Variants in NCOA1 observed in about 807,000 individuals in gnomAD.
NCOA1 encodes nuclear receptor coactivator 1, also known as Hin-2 protein.
Under a neutral mutation model 150.9 loss-of-function variants are expected in NCOA1, and 35 were observed. The ratio of observed to expected loss-of-function variants is 0.23; its 90% CI spans 0.18 to 0.31. NCOA1 has a LOEUF of 0.31. NCOA1 is among the 10% of genes least tolerant of loss of function. The pLI, the probability that NCOA1 is intolerant of heterozygous loss-of-function variation, is 1.00. For synonymous variants in NCOA1, 590 were observed against 630.0 expected, an observed-to-expected ratio of 0.94 and a Z score of 0.95; for missense variants, 1,491 against 1,749.3, an observed-to-expected ratio of 0.85 and a Z score of 2.63.
chr2:24,656,758 T>A (rs1401948125), intron 4 of NCOA1, among the ~76,000 whole-genome samples: 1 of 152,252 alleles, frequency 6.6e-6, no homozygotes, highest in Non-Finnish European at 1.5e-5. Context: ...CATGATGCCC[T>A]CCAAGTTTGT....
At chr2:24,501,103 G>A (rs1663442557) in intron 1 of NCOA1, among the ~76,000 whole-genome samples, 1 of 152,172 alleles carries the variant, frequency 6.6e-6, no homozygotes, top group South Asian at 2.1e-4. Flanking sequence ...AAGAACAACT[G>A]ATTGCCATCA....
chr2:24,729,467 T>C (rs1662876114), intron 16 of NCOA1, 34 bp from the exon 17 acceptor site: 1 of 1,570,506 alleles, frequency 6.4e-7, no homozygotes, highest in Admixed American at 1.8e-5. Context: ...GGCAGAAATT[T>C]ATTTGTAAAA....
At chr2:24,548,167 G>A (rs1665683408) in intron 1 of NCOA1, among the ~76,000 whole-genome samples, 2 of 152,100 alleles carry the variant, frequency 1.3e-5, no homozygotes, top group African/African-American at 2.4e-5. Flanking sequence ...GAGGTTTAAT[G>A]GACCTACAGT....
chr2:24,707,063 A>G lies in NCOA1; in HGVS notation c.1593A>G (p.Arg531=). ...GTAGTGCCTGTAATAATAATAACCG[A>G]TCTTATTCAAACATCCCAGTAACAT... ...MTSSACNNNN[R]SYSNIPVTSL... is the part of the protein sequence containing the mutation. Residue 531 remains arginine (R), a synonymous_variant, in exon 13 of 23, where the codon CGA becomes CGG. Transcript: ENST00000348332. 1 of 1,614,130 alleles carries G rather than the reference A, an allele frequency of 6.2e-7. No homozygotes were observed. Among genetic ancestry groups the G allele is most frequent in the Non-Finnish European group, 8.5e-7 (1 of 1,180,000 alleles).
At chr2:24,614,693 G>A (rs1458045513) in intron 3 of NCOA1, among the ~76,000 whole-genome samples, 2 of 152,080 alleles carry the variant, frequency 1.3e-5, no homozygotes, top group Non-Finnish European at 2.9e-5. Context: ...AGGGTGCAGG[G>A]CCTGTGGGTA....
chr2:24,591,257 T>G (rs1204513378), intron 3 of NCOA1, among the ~76,000 whole-genome samples: 1 of 152,158 alleles, frequency 6.6e-6, no homozygotes, highest in East Asian at 1.9e-4. Context: ...TTAGAACTCT[T>G]AAGTAAAACA....
chr2:24,767,570 G>GT (rs1336664276), intron 22 of NCOA1, among the ~76,000 whole-genome samples: 1 of 152,218 alleles, frequency 6.6e-6, no homozygotes, highest in African/African-American at 2.4e-5. Context: ...TAGACGTACT[G>GT]TTAATTTTAG....
At chr2:24,713,022 A>C (rs577880562) in intron 14 of NCOA1, among the ~76,000 whole-genome samples, 45 of 152,154 alleles carry the variant, frequency 3.0e-4, no homozygotes, top group Non-Finnish European at 3.8e-4. Context: ...TGAGGTCAGG[A>C]GTTCAAGACC....
chr2:24,692,329 A>G (rs991220502), intron 9 of NCOA1, among the ~76,000 whole-genome samples: 3 of 152,240 alleles, frequency 2.0e-5, no homozygotes, highest in Admixed American at 6.5e-5. Flanking sequence ...GGAGGTAACA[A>G]TCAACTGGAG....
At chr2:24,614,847 C>T (rs1006562112) in intron 3 of NCOA1, among the ~76,000 whole-genome samples, 1 of 152,144 alleles carries the variant, frequency 6.6e-6, no homozygotes, top group Admixed American at 6.5e-5. Context: ...ATATTGTAAG[C>T]ATGCACTAAT....
chr2:24,674,495 T>A (rs1671820635), intron 7 of NCOA1, among the ~76,000 whole-genome samples: 1 of 152,138 alleles, frequency 6.6e-6, no homozygotes, highest in African/African-American at 2.4e-5. Context: ...CGTGAGCCAC[T>A]GCGCCCGGCC....
chr2:24,742,006 A>G lies in NCOA1; in HGVS notation c.3526A>G (p.Asn1176Asp), dbSNP rs1663627765. The change falls in exon 19 of 23, where the codon AAT (asparagine) becomes GAT (aspartate). Residue 1176 changes from asparagine (N) to aspartate (D), a missense_variant. Asn to Asp is a conservative substitution (Grantham distance 23). Around this residue, in one of 8 missense-constraint regions of NCOA1, gnomAD observed 485 missense variants for 522.8 expected, o/e 0.93. Coordinates refer to ENST00000348332, the MANE Select transcript of NCOA1 (RefSeq NM_003743.5). ...QFPYPPNYGT[N>D]PGTPPASTSP... is the part of the protein sequence containing the mutation. Reference sequence around the variant, plus strand: ...CCCCTATCCACCAAACTATGGTACAAATCCAGGAACCCCACCTGCTTCTAC... The same window carrying G: ...CCCCTATCCACCAAACTATGGTACAGATCCAGGAACCCCACCTGCTTCTAC... The G allele has an allele frequency of 6.2e-7, 1 of 1,614,192 alleles. No individual in the cohort carries two copies. Among genetic ancestry groups the G allele is most frequent in the African/African-American group, 1.3e-5 (1 of 75,056 alleles).
chr2:24,620,358 C>T (rs1186781727), intron 3 of NCOA1, among the ~76,000 whole-genome samples: 1 of 152,194 alleles, frequency 6.6e-6, no homozygotes, highest in Admixed American at 6.5e-5. Flanking sequence ...AATCCCAACA[C>T]TTTGGGAGGC....
At chr2:24,687,085 C>T (rs1409325063) in intron 8 of NCOA1, among the ~76,000 whole-genome samples, 1 of 152,024 alleles carries the variant, frequency 6.6e-6, no homozygotes, top group Non-Finnish European at 1.5e-5. Flanking sequence ...CTAACCATTC[C>T]TCCTTAATTC....
At chr2:24,587,589 C>T (rs1468203270) in intron 3 of NCOA1, among the ~76,000 whole-genome samples, 1 of 152,174 alleles carries the variant, frequency 6.6e-6, no homozygotes, top group Non-Finnish European at 1.5e-5. Context: ...TGTGCATATA[C>T]TGGCCTCTTG....
chr2:24,604,888 A>G (rs1668288744), intron 3 of NCOA1, among the ~76,000 whole-genome samples: 1 of 152,176 alleles, frequency 6.6e-6, no homozygotes, highest in South Asian at 2.1e-4. Context: ...TTTTTCTCTA[A>G]GCTTAATCAT....
chr2:24,587,297 A>AT (rs139113224), intron 3 of NCOA1, among the ~76,000 whole-genome samples: 2,043 of 152,208 alleles, frequency 0.013, 47 homozygotes, highest in African/African-American at 0.047. Flanking sequence ...TTAAAAAAAA[A>AT]TAGTAAACTC....
intron 14 of NCOA1, among the ~76,000 whole-genome samples, chr2:24,717,802 G>A (rs1160780085): frequency 6.6e-6 from 1 of 151,826 alleles, no homozygotes; most frequent in African/African-American, 2.4e-5. Context: ...TGCAATAGTA[G>A]GAAAAACTGT....
chr2:24,549,958 A>T (rs1253699592), intron 1 of NCOA1, among the ~76,000 whole-genome samples: 1 of 152,156 alleles, frequency 6.6e-6, no homozygotes, highest in Non-Finnish European at 1.5e-5. Flanking sequence ...TCCGCCAGAT[A>T]CCCTAAATCA....
Sources: allele counts gnomAD v4.1 joint callset (sites outside exome capture counted in the v4.1 genomes callset), GRCh38; gene constraint gnomAD v4.1.1; regional missense constraint gnomAD v4.1.1; transcripts MANE v1.5; gene names NCBI Gene and HGNC (gene_info 2026-07-23, HGNC 2026-07-21).